TTC21B: variants seen among roughly 807,000 people sequenced by gnomAD.
The protein encoded by TTC21B is tetratricopeptide repeat protein 21B.
TTC21B carries 127 observed loss-of-function variants against 175.1 expected under a neutral mutation model. That is an observed-to-expected ratio of 0.73 (90% CI 0.63 to 0.84). TTC21B has a LOEUF of 0.84. TTC21B is among the 40% of genes least tolerant of loss of function. The probability of loss-of-function intolerance (pLI) is 0.00; values close to 1 mark genes in which losing one functional copy is unlikely to be tolerated. For missense variants in TTC21B, 1,561 were observed against 1,558.3 expected (o/e 1.00, Z -0.03); for synonymous variants, 524 against 524.5 (o/e 1.00, Z 0.01).
At chr2:165,949,756 G>A (rs772938845) in intron 1 of TTC21B, 32 bp from the exon 2 acceptor site, 2 of 1,589,040 alleles carry the variant, frequency 1.3e-6, no homozygotes, top group East Asian at 2.2e-5. Flanking sequence ...ATGTTATAAA[G>A]GAATTCTGGT....
intron 6 of TTC21B, among the ~76,000 whole-genome samples, chr2:165,933,264 TA>T (rs35813847): frequency 6.6e-6 from 1 of 152,194 alleles, no homozygotes; most frequent in South Asian, 2.1e-4. Flanking sequence ...AATATGTTTT[TA>T]AAAGATATGA....
chr2:165,888,874 T>C (rs1685094477), intron 24 of TTC21B, among the ~76,000 whole-genome samples: 1 of 151,940 alleles, frequency 6.6e-6, no homozygotes, highest in African/African-American at 2.4e-5. Flanking sequence ...ATTATTTCAT[T>C]CTATGTTTAA....
At chr2:165,927,069 T>G (rs1215252828) in intron 11 of TTC21B, among the ~76,000 whole-genome samples, 1 of 15,760 alleles carries the variant, frequency 6.3e-5, no homozygotes, top group Admixed American at 6.3e-4. Context: ...TCCTAGTAGA[T>G]ATATATATAT....
chr2:165,921,674 T>C (rs1379213746), intron 12 of TTC21B, among the ~76,000 whole-genome samples: 1 of 152,102 alleles, frequency 6.6e-6, no homozygotes, highest in Non-Finnish European at 1.5e-5. Context: ...CCTTTGATGT[T>C]TGGCCCAACT....
intron 18 of TTC21B, among the ~76,000 whole-genome samples, chr2:165,909,195 T>C (rs1239527166): frequency 2.0e-5 from 3 of 152,130 alleles, no homozygotes; most frequent in African/African-American, 4.8e-5. Flanking sequence ...TAAAATTGGC[T>C]ATCCATTTTG....
intron 25 of TTC21B, among the ~76,000 whole-genome samples, chr2:165,885,684 T>TA (rs1245364192): frequency 6.6e-6 from 1 of 152,180 alleles, no homozygotes; most frequent in African/African-American, 2.4e-5. Flanking sequence ...ACTACACAAT[T>TA]AAAAATAACC....
intron 8 of TTC21B, among the ~76,000 whole-genome samples, chr2:165,930,730 GGGGTGTGTGTGTGTGTGTGT>G (rs1686862099): frequency 1.3e-5 from 1 of 78,262 alleles, no homozygotes; most frequent in African/African-American, 4.0e-5. Context: ...CGTGGGTATG[GGGGTGTGTGTGTGTGTGTGT>G]GTGTGTGTGT....
Position 165,911,441 on chromosome 2 carries a change from G to T in TTC21B, c.2347C>A (p.Leu783Met), listed in dbSNP as rs1220947316. 1 of 1,613,700 alleles carries T rather than the reference G, an allele frequency of 6.2e-7. No individual in the cohort carries two copies. Among genetic ancestry groups the T allele is most frequent in the Non-Finnish European group, 8.5e-7 (1 of 1,179,862 alleles). ...AGATAATTCTTTTGTCCAGTTTTCAGAGCAGCTTCATAGTAAGTGATTGCC... is the reference window on the plus strand; with the variant it reads ...AGATAATTCTTTTGTCCAGTTTTCATAGCAGCTTCATAGTAAGTGATTGCC... The part of the protein sequence containing the change: ...SMAITYYEAA[L>M]KTGQKNYLCY... The change falls in exon 18 of 29, where the codon CTG (leucine) becomes ATG (methionine). Residue 783 changes from leucine to methionine, a missense_variant. Transcript: ENST00000243344.
intron 19 of TTC21B, among the ~76,000 whole-genome samples, chr2:165,903,848 G>C (rs1036148): frequency 0.18 from 27,512 of 151,964 alleles, 2,686 homozygotes; most frequent in East Asian, 0.34. Context: ...CAAAAACTTT[G>C]ACTCCACTTA....
intron 18 of TTC21B, among the ~76,000 whole-genome samples, chr2:165,910,869 T>C (rs1363835536): frequency 3.9e-5 from 6 of 152,068 alleles, no homozygotes; most frequent in Admixed American, 2.0e-4. Context: ...TACACTTATA[T>C]ATACACACAC....
intron 26 of TTC21B, among the ~76,000 whole-genome samples, chr2:165,882,532 T>A (rs1232435337): frequency 1.3e-5 from 2 of 152,152 alleles, no homozygotes; most frequent in Non-Finnish European, 2.9e-5. Context: ...CCTAGATCTT[T>A]CACACAAACT....
chr2:165,920,811 A>AAAATATTTTGAAATATTTTATATATTT (rs1559060469), intron 12 of TTC21B, among the ~76,000 whole-genome samples: 1 of 152,090 alleles, frequency 6.6e-6, no homozygotes, highest in African/African-American at 2.4e-5. Context: ...CTAAATATTT[A>AAAATATTTTGAAATATTTTATATATTT]AAAATGAGAA....
In TTC21B at chr2:165,924,544, T is replaced by G; in HGVS notation, c.1516+5A>C. ...AAGGTTAAAAGTTTTTAAGGTATAC[T>G]CTACCTGACAAATATTTCACTTTTG... On this transcript the variant is annotated splice_donor_5th_base_variant and intron_variant, in intron 12 of 28. Transcript: ENST00000243344. 6.2e-7 allele frequency: 1 copy of G among 1,612,916 alleles called. No individual in the cohort carries two copies. The highest frequency in any genetic ancestry group is 1.7e-4 in the Middle Eastern group (1 of 6,050).
Position 165,873,531 on chromosome 2 carries a change from G to A in TTC21B, c.*1224C>T, listed in dbSNP as rs1400851711. The A allele has an allele frequency of 6.6e-6, 1 of 152,136 alleles. No homozygotes were observed. Among genetic ancestry groups the A allele is most frequent in the African/African-American group, 2.4e-5 (1 of 41,420 alleles). The allele number at this position is 152,136 out of a possible 1,614,324, so 9.4% of individuals were successfully genotyped here. ...AGAGAGTGAAAGCTTCTATGCCAGG[G>A]TGCTGTTAAACAGAGCTGGGTAAAC... On this transcript the variant is annotated 3_prime_UTR_variant, in exon 29 of 29. Transcript: ENST00000243344.
Position 165,943,276 on chromosome 2 carries a change from C to A in TTC21B, c.495G>T (p.Leu165=), listed in dbSNP as rs1355203065. ...RGKEPYTKKA[L]KYFEEGLQDG... ...CTTGGAGTCCCTCTTCAAAATACTT[C>A]AGTGCTTTTTTAGTGTAAGGCTCTT... Residue 165 remains leucine (L), a synonymous_variant, in exon 5 of 29, where the codon CTG becomes CTT. Coordinates refer to ENST00000243344, the MANE Select transcript of TTC21B (RefSeq NM_024753.5). The A allele has an allele frequency of 1.2e-6, 2 of 1,612,978 alleles. No individual in the cohort carries two copies. The highest frequency in any genetic ancestry group is 1.7e-6 in the Non-Finnish European group (2 of 1,179,114).
At chr2:165,904,571 G>A (rs895541937) in intron 19 of TTC21B, among the ~76,000 whole-genome samples, 1 of 152,182 alleles carries the variant, frequency 6.6e-6, no homozygotes, top group Non-Finnish European at 1.5e-5. Context: ...GTCAAAAGGT[G>A]ACTAGTATAG....
chr2:165,950,023 T>G (rs1035344989), intron 1 of TTC21B: 6 of 211,854 alleles, frequency 2.8e-5, no homozygotes, highest in Non-Finnish European at 4.7e-5. Context: ...TTGCCCACAT[T>G]TTCTTGAACG....
At chr2:165,895,979 A>G (rs1179786948) in intron 22 of TTC21B, among the ~76,000 whole-genome samples, 1 of 152,106 alleles carries the variant, frequency 6.6e-6, no homozygotes, top group African/African-American at 2.4e-5. Context: ...CTCGCTGGGG[A>G]TATTTTATTT....
chr2:165,879,359 T>TATCAC (rs1307265573), intron 27 of TTC21B, among the ~76,000 whole-genome samples: 2 of 152,224 alleles, frequency 1.3e-5, no homozygotes, highest in Non-Finnish European at 2.9e-5. Context: ...CTGAAAGATA[T>TATCAC]ATCACACCTT....
Sources: gnomAD v4.1 joint callset for allele counts (sites outside exome capture counted in the v4.1 genomes callset) on GRCh38, gnomAD v4.1.1 for gene constraint, MANE v1.5 for transcripts, NCBI Gene and HGNC (gene_info 2026-07-23, HGNC 2026-07-21) for gene names.